ANKRD33B: variants seen among roughly 807,000 people sequenced by gnomAD.
The protein encoded by ANKRD33B is ankyrin repeat domain 33B.
In ANKRD33B, 6 loss-of-function variants were observed where a neutral mutation model predicts 21.5. That is an observed-to-expected ratio of 0.28 (90% CI 0.15 to 0.55). The LOEUF is 0.55. ANKRD33B is among the 20% of genes least tolerant of loss of function. ANKRD33B has a pLI of 0.94. For synonymous variants in ANKRD33B, 347 were observed against 342.4 expected (o/e 1.01, Z -0.15); for missense variants, 698 against 747.2 (o/e 0.93, Z 0.77).
rs1737412693 is a variant in ANKRD33B, at chr5:10,653,713, C to A, written c.*3600C>A. 1 of 152,418 alleles carries A rather than the reference C, an allele frequency of 6.6e-6. No homozygotes were observed. The highest frequency in any genetic ancestry group is 1.5e-5 in the Non-Finnish European group (1 of 68,114). The allele number at this position is 152,418 out of a possible 1,614,324, so 9.4% of individuals were successfully genotyped here. ...TGTGGACAGGGCTGGGAGGTGCAGG[C>A]TTCTTGTCCCATCCCCACTCAGTAT... is the stretch of plus-strand genomic sequence containing the variant. On this transcript the variant is annotated 3_prime_UTR_variant, in exon 4 of 4. Transcript: ENST00000296657.
chr5:10,577,928 T>C (rs1399834161), intron 1 of ANKRD33B, among the ~76,000 whole-genome samples: 2 of 152,216 alleles, frequency 1.3e-5, no homozygotes, highest in East Asian at 3.8e-4. Context: ...GTCCAGGTCT[T>C]AGGGGGACCT....
chr5:10,649,673 C>G lies in ANKRD33B; in HGVS notation c.1045C>G (p.Arg349Gly). The G allele has an allele frequency of 3.9e-6, 6 of 1,526,776 alleles. No homozygotes were observed. Among genetic ancestry groups the G allele is most frequent in the Non-Finnish European group, 5.3e-6 (6 of 1,142,304 alleles). 94.6% of individuals were successfully genotyped at this position (1,526,776 alleles called of 1,614,324 possible). ...RLAVQEILAA[R>G]AARGPQAQEE... The stretch of plus-strand genomic sequence containing the variant: ...GGCGGTGCAGGAGATCCTGGCGGCG[C>G]GGGCTGCACGGGGCCCCCAGGCGCA... The change falls in exon 4 of 4, where the codon CGG (arginine) becomes GGG (glycine). Residue 349 changes from arginine to glycine, a missense_variant. Coordinates refer to ENST00000296657, the MANE Select transcript of ANKRD33B (RefSeq NM_001164440.2).
chr5:10,651,104 G>T lies in ANKRD33B; in HGVS notation c.*991G>T, dbSNP rs2126613376. ...GAATGACGCAAATTACAGGAATGGG[G>T]AGGAGGTGATTTTTAGAAGAGGTGA... On this transcript the variant is annotated 3_prime_UTR_variant, in exon 4 of 4. Coordinates refer to ENST00000296657, the MANE Select transcript of ANKRD33B (RefSeq NM_001164440.2). The T allele has an allele frequency of 6.6e-6, 1 of 152,496 alleles. No homozygotes were observed. The highest frequency in any genetic ancestry group is 2.1e-4 in the South Asian group (1 of 4,824). 9.4% of individuals were successfully genotyped at this position (152,496 alleles called of 1,614,324 possible).
intron 2 of ANKRD33B, among the ~76,000 whole-genome samples, chr5:10,622,807 T>TTTTTTTTTTTTTTTTG: frequency 7.9e-6 from 1 of 125,948 alleles, no homozygotes; most frequent in African/African-American, 3.9e-5. Flanking sequence ...TATTTTATTT[T>TTTTTTTTTTTTTTTTG]ATTTTTTTTT....
chr5:10,643,670 T>C (rs1051885981), intron 3 of ANKRD33B, among the ~76,000 whole-genome samples: 3 of 150,974 alleles, frequency 2.0e-5, no homozygotes, highest in African/African-American at 4.9e-5. Context: ...ACAAAAAAAA[T>C]TTAGCCGGGC....
chr5:10,650,242 A>C lies in ANKRD33B; in HGVS notation c.*129A>C. On this transcript the variant is annotated 3_prime_UTR_variant, in exon 4 of 4. Coordinates refer to ENST00000296657, the MANE Select transcript of ANKRD33B (RefSeq NM_001164440.2). ...CTCCATGGACCACGGGGCTGCGCGC[A>C]TTTCCAGGCTGTTTGTCCAGGCTGC... The C allele has an allele frequency of 1.9e-6, 2 of 1,048,428 alleles. No individual in the cohort carries two copies. The highest frequency in any genetic ancestry group is 2.5e-6 in the Non-Finnish European group (2 of 792,636). 64.9% of individuals were successfully genotyped at this position (1,048,428 alleles called of 1,614,324 possible).
intron 3 of ANKRD33B, among the ~76,000 whole-genome samples, chr5:10,645,815 G>T (rs760678627): frequency 6.6e-6 from 1 of 152,212 alleles, no homozygotes; most frequent in Non-Finnish European, 1.5e-5. Flanking sequence ...TAGCTGTAAG[G>T]GAGGCTGGAA....
At chr5:10,623,935 A>G (rs983668842) in intron 2 of ANKRD33B, among the ~76,000 whole-genome samples, 5 of 152,194 alleles carry the variant, frequency 3.3e-5, no homozygotes, top group African/African-American at 1.2e-4. Context: ...ATGACCCCAC[A>G]TGAGCAAGGA....
Position 10,649,719 on chromosome 5 carries a change from GC to G in ANKRD33B, c.1092del (p.Ala365ArgfsTer211). The part of the protein sequence containing the change: ...PQAQEEDEVG[G>X]AGQRGRTGQE... ...GCGCAGGAGGAGGATGAGGTGGGGG[GC>G]GCGGGGCAGCGCGGGCGGACCGGAC... On this transcript the variant is annotated frameshift_variant, in exon 4 of 4. Coordinates refer to ENST00000296657, the MANE Select transcript of ANKRD33B (RefSeq NM_001164440.2). LOFTEE classifies it low-confidence loss of function (END_TRUNC). 6.7e-7 allele frequency: 1 copy of G among 1,494,450 alleles called. No homozygotes were observed. 92.6% of individuals were successfully genotyped at this position (1,494,450 alleles called of 1,614,324 possible).
chr5:10,641,250 A>G (rs1480269917), intron 3 of ANKRD33B, among the ~76,000 whole-genome samples: 1 of 49,268 alleles, frequency 2.0e-5, no homozygotes, highest in Non-Finnish European at 3.9e-5. Flanking sequence ...TTTTTTTTTG[A>G]GACAGTCTCA....
At position 10,607,823 on chromosome 5, in the gene ANKRD33B, G is replaced by T. The variant is rs562280380; in HGVS notation, c.367-10510G>T. On this transcript the variant is annotated intron_variant, in intron 1 of 3. Transcript: ENST00000296657. ...TGCTTGTTTTCCTGCTGGACTGTCT[G>T]TGAGTTCATCTTCTTATTTAAAGCT... Among the ~76,000 whole-genome samples the T allele has an allele frequency of 5.3e-5, 8 of 152,316 alleles. No individual in the cohort carries two copies. In the East Asian group the frequency reaches 1.5e-3, roughly 29 times the overall value.
chr5:10,583,428 G>A (rs1735487819), intron 1 of ANKRD33B, among the ~76,000 whole-genome samples: 1 of 152,230 alleles, frequency 6.6e-6, no homozygotes, highest in Non-Finnish European at 1.5e-5. Flanking sequence ...ATCCTTTGCT[G>A]TGGGAACCCG....
chr5:10,564,572 T>TGACTACGAAGAGTTTGAG lies in ANKRD33B; in HGVS notation c.110_127dup (p.Tyr37_Asp42dup). The TGACTACGAAGAGTTTGAG allele has an allele frequency of 6.5e-7, 1 of 1,534,342 alleles. No homozygotes were observed. The highest frequency in any genetic ancestry group is 1.4e-5 in the African/African-American group (1 of 73,060). On this transcript the variant is annotated inframe_insertion, in exon 1 of 4. Coordinates refer to ENST00000296657, the MANE Select transcript of ANKRD33B (RefSeq NM_001164440.2). ...GCGCGCAGGTCGAGGAGGACCCCGC[T>TGACTACGAAGAGTTTGAG]GACTACGAAGAGTTTGAGGACTTCT...
intron 1 of ANKRD33B, among the ~76,000 whole-genome samples, chr5:10,597,319 T>C (rs1735840296): frequency 6.6e-6 from 1 of 152,060 alleles, no homozygotes; most frequent in Non-Finnish European, 1.5e-5. Context: ...AAGACACATG[T>C]AGGCTGAAAA....
intron 1 of ANKRD33B, among the ~76,000 whole-genome samples, chr5:10,593,307 T>A (rs549876408): frequency 1.4e-3 from 219 of 152,294 alleles, no homozygotes; most frequent in African/African-American, 4.6e-3. Flanking sequence ...TACTTTTTTT[T>A]AAAGCATTAG....
chr5:10,619,270 GA>G lies in ANKRD33B; in HGVS notation c.496+810del, dbSNP rs1166161366. ...AAGCTGCCTGCAGCTGAGCCAGGAA[GA>G]ACAGGCGCTTGTGTGTTGAAGGAAG... On this transcript the variant is annotated intron_variant, in intron 2 of 3. Coordinates refer to ENST00000296657, the MANE Select transcript of ANKRD33B (RefSeq NM_001164440.2). The surrounding 1 kb of genome is among the most constrained non-coding windows in gnomAD (Gnocchi z 4.5). 5.1e-6 allele frequency: 5 copies of G among 984,134 alleles called. No individual in the cohort carries two copies. The African/African-American group carries it at 8.7e-5, about 17-fold the overall frequency. The allele number at this position is 984,134 out of a possible 1,614,324, so 61.0% of individuals were successfully genotyped here.
At chr5:10,583,665 T>C (rs1735494290) in intron 1 of ANKRD33B, among the ~76,000 whole-genome samples, 1 of 152,110 alleles carries the variant, frequency 6.6e-6, no homozygotes, top group Non-Finnish European at 1.5e-5. Context: ...GCCTCGCTGC[T>C]CTCTCCTGCC....
chr5:10,613,210 C>T, intron 1 of ANKRD33B, among the ~76,000 whole-genome samples: 1 of 152,018 alleles, frequency 6.6e-6, no homozygotes, highest in Non-Finnish European at 1.5e-5. Flanking sequence ...ATCCGGCCCT[C>T]CTTTTTCCTT....
In ANKRD33B at chr5:10,596,530, T is replaced by C. The variant is rs115483011; in HGVS notation, c.367-21803T>C. Among the ~76,000 whole-genome samples the C allele has an allele frequency of 6.1e-3, 926 of 152,280 alleles. 7 individuals carry two copies. Among genetic ancestry groups the C allele is most frequent in the African/African-American group, 0.021 (879 of 41,566 alleles). ...CTTTTTATGGCTGCATAGTATTCCATGGTATATAAGATTATGTAAAGAGAT... is the reference window on the plus strand; with the variant it reads ...CTTTTTATGGCTGCATAGTATTCCACGGTATATAAGATTATGTAAAGAGAT... On this transcript the variant is annotated intron_variant, in intron 1 of 3. Coordinates refer to ENST00000296657, the MANE Select transcript of ANKRD33B (RefSeq NM_001164440.2).
Sources: allele counts gnomAD v4.1 joint callset (sites outside exome capture counted in the v4.1 genomes callset), GRCh38; gene constraint gnomAD v4.1.1; non-coding constraint Gnocchi (gnomAD v3.1); transcripts MANE v1.5; gene names NCBI Gene and HGNC (gene_info 2026-07-23, HGNC 2026-07-21).